NAA60: variants seen among roughly 807,000 people sequenced by gnomAD.
NAA60 encodes the protein N-alpha-acetyltransferase 60.
Under a neutral mutation model 26.1 loss-of-function variants are expected in NAA60, and 8 were observed. The ratio of observed to expected loss-of-function variants is 0.31; its 90% CI spans 0.18 to 0.55. The LOEUF is 0.55. Among genes scored for constraint, NAA60 ranks in the 20% least tolerant of loss-of-function variants. The pLI, the probability that NAA60 is intolerant of heterozygous loss-of-function variation, is 0.93. For synonymous variants in NAA60, 131 were observed against 122.5 expected (o/e 1.07, Z -0.46); for missense variants, 290 against 311.3 (o/e 0.93, Z 0.51).
intron 4 of NAA60, among the ~76,000 whole-genome samples, chr16:3,482,190 C>T (rs539830799): frequency 6.6e-6 from 1 of 152,346 alleles, no homozygotes; most frequent in Non-Finnish European, 1.5e-5. Flanking sequence ...TTGCTGCCTT[C>T]ATGCCATAAC....
rs897581619 is a variant in NAA60, at chr16:3,484,433, C to T, written c.573-266C>T. On this transcript the variant is annotated intron_variant, in intron 6 of 7. Transcript: ENST00000407558. ...CCAGGCCCCTTCCCCACCCCCCGTG[C>T]ATCCCTGGGTGTGGTGTCCACATGC... 51 of 541,636 alleles carry T rather than the reference C, an allele frequency of 9.4e-5. 1 individual carries two copies. The highest frequency in any genetic ancestry group is 2.5e-4 in the African/African-American group (13 of 52,932). 33.6% of individuals were successfully genotyped at this position (541,636 alleles called of 1,614,324 possible). A position where few individuals can be genotyped will look rare whatever the true frequency, so the allele number is the denominator to read the frequency against.
intron 2 of NAA60, chr16:3,450,257 C>A: frequency 3.2e-6 from 1 of 312,552 alleles, no homozygotes; most frequent in Middle Eastern, 8.4e-4. Flanking sequence ...GCCTCTCAGG[C>A]AGAGCAGAGG....
At chr16:3,484,060 C>T (rs1294488171) in intron 6 of NAA60, among the ~76,000 whole-genome samples, 1 of 152,146 alleles carries the variant, frequency 6.6e-6, no homozygotes, top group Admixed American at 6.5e-5. Flanking sequence ...ATGCATGACC[C>T]AAAGGTATGC....
chr16:3,443,892 A>C, intron 1 of NAA60, 55 bp downstream of exon 1: 3 of 1,492,044 alleles, frequency 2.0e-6, no homozygotes, highest in Non-Finnish European at 2.7e-6. Flanking sequence ...GGCCAGAGCA[A>C]GGTGATTGAG....
chr16:3,476,149 C>G, intron 2 of NAA60, 73 bp from the exon 3 acceptor site: 2 of 1,182,394 alleles, frequency 1.7e-6, no homozygotes, highest in South Asian at 1.4e-5. Context: ...TCTTCTGTCT[C>G]GCCTGCCTCA....
chr16:3,484,816 C>G lies in NAA60; in HGVS notation c.690C>G (p.Ile230Met). The G allele has an allele frequency of 6.4e-7, 1 of 1,572,912 alleles. No individual in the cohort carries two copies. The highest frequency in any genetic ancestry group is 8.6e-7 in the Non-Finnish European group (1 of 1,160,028). ...GCAGCTTCCTGCCATGGTCGGGCAT[C>G]TCTTCCAAGAGTGGCATCGAGTACA... ...LLCSFLPWSG[I>M]SSKSGIEYSR... The change falls in exon 7 of 8, where the codon ATC becomes ATG. Residue 230 changes from isoleucine (I) to methionine (M), a missense_variant. By Grantham distance (10) the Ile-to-Met change is conservative (BLOSUM62 1). Transcript: ENST00000407558.
intron 2 of NAA60, among the ~76,000 whole-genome samples, chr16:3,455,607 G>A (rs1250118292): frequency 2.6e-5 from 4 of 151,472 alleles, no homozygotes; most frequent in Admixed American, 6.6e-5. Flanking sequence ...GTGTTAGCCA[G>A]GATGCTCTTG....
chr16:3,481,468 T>C (rs1189482889), intron 4 of NAA60, among the ~76,000 whole-genome samples: 1 of 151,988 alleles, frequency 6.6e-6, no homozygotes, highest in Non-Finnish European at 1.5e-5. Flanking sequence ...TCCGGGTGGC[T>C]TTCCTGAGTG....
At chr16:3,459,582 G>A (rs1431702675) in intron 2 of NAA60, among the ~76,000 whole-genome samples, 2 of 152,170 alleles carry the variant, frequency 1.3e-5, no homozygotes, top group Non-Finnish European at 2.9e-5. Context: ...CTACATTAAT[G>A]TGCAGATCTG....
Position 3,479,382 on chromosome 16 carries a change from C to T in NAA60, c.111-89C>T, listed in dbSNP as rs558554114. ...CTTAGAGCAGCAGGCAGAAGTGGCC[C>T]AGAGCTCCCTGTGGTTCTGATGTCT... is the stretch of plus-strand genomic sequence containing the variant. On this transcript the variant is annotated intron_variant, in intron 3 of 7. Coordinates refer to ENST00000407558, the MANE Select transcript of NAA60 (RefSeq NM_001083601.3). 200 of 1,450,620 alleles carry T rather than the reference C, an allele frequency of 1.4e-4. 6 individuals carry two copies. In the South Asian group the frequency reaches 2.5e-3, roughly 18 times the overall value. 89.9% of individuals were successfully genotyped at this position (1,450,620 alleles called of 1,614,324 possible).
intron 2 of NAA60, among the ~76,000 whole-genome samples, chr16:3,454,683 C>T (rs1415314441): frequency 6.6e-6 from 1 of 152,164 alleles, no homozygotes; most frequent in African/African-American, 2.4e-5. Context: ...GACCAATCAG[C>T]CCTGAAGTCG....
chr16:3,475,691 G>C (rs2036434957), intron 2 of NAA60, among the ~76,000 whole-genome samples: 1 of 152,158 alleles, frequency 6.6e-6, no homozygotes, highest in Admixed American at 6.5e-5. Context: ...GGAGAAATTG[G>C]GGTGTGACCC....
intron 2 of NAA60, among the ~76,000 whole-genome samples, chr16:3,466,075 C>T (rs1186645031): frequency 1.3e-5 from 2 of 152,228 alleles, no homozygotes; most frequent in Non-Finnish European, 2.9e-5. Flanking sequence ...CAGATCCGTA[C>T]GTTTTGACAA....
chr16:3,476,331 C>G lies in NAA60; in HGVS notation c.104C>G (p.Pro35Arg). 1 of 1,613,558 alleles carries G rather than the reference C, an allele frequency of 6.2e-7. No homozygotes were observed. Residue 35 changes from proline to arginine, a missense_variant, in exon 3 of 8, where the codon CCC becomes CGC. Physicochemically the swap from Pro to Arg is moderately radical, Grantham distance 103 (BLOSUM62 -2). Transcript: ENST00000407558. ...TVKHLCGDWF[P>R]IEYPDSWYRD... is the part of the protein sequence containing the mutation. ...AAGCACCTGTGTGGCGACTGGTTCC[C>G]CATCGAGTAAGTGGAGCGGATTGCA...
intron 2 of NAA60, among the ~76,000 whole-genome samples, chr16:3,467,368 C>T (rs79366695): frequency 0.036 from 5,421 of 152,088 alleles, 237 homozygotes; most frequent in South Asian, 0.12. Flanking sequence ...GTGGCCATGG[C>T]CAGCTGAACA....
At chr16:3,457,952 C>T (rs1048113659) in intron 2 of NAA60, 1,388 of 983,324 alleles carry the variant, frequency 1.4e-3, no homozygotes, top group Non-Finnish European at 1.5e-3. Flanking sequence ...CAGCGCCGGC[C>T]TCAGGGGGCG....
intron 2 of NAA60, chr16:3,448,878 G>A (rs770652015): frequency 5.5e-5 from 13 of 236,960 alleles, no homozygotes; most frequent in East Asian, 2.4e-4. Context: ...AGTGGAGAAC[G>A]AGACTCTCCC....
chr16:3,448,669 G>C, intron 2 of NAA60, 129 bp downstream of exon 2: 1 of 718,558 alleles, frequency 1.4e-6, no homozygotes, highest in Non-Finnish European at 2.2e-6. Flanking sequence ...CTGAATGATA[G>C]AAGGCGCCTA....
At chr16:3,450,997 A>G (rs1425051742) in intron 2 of NAA60, among the ~76,000 whole-genome samples, 1 of 152,276 alleles carries the variant, frequency 6.6e-6, no homozygotes, top group Non-Finnish European at 1.5e-5. Context: ...ATTATAACTC[A>G]GTGTTTAGCG....
Sources: allele counts gnomAD v4.1 joint callset (sites outside exome capture counted in the v4.1 genomes callset), GRCh38; gene constraint gnomAD v4.1.1; transcripts MANE v1.5; gene names NCBI Gene and HGNC (gene_info 2026-07-23, HGNC 2026-07-21).